TENM2: variants seen among roughly 807,000 people sequenced by gnomAD.
TENM2 encodes the protein teneurin transmembrane protein 2, also known as teneurin-2.
Under a neutral mutation model 245.2 loss-of-function variants are expected in TENM2, and 52 were observed. The observed-to-expected ratio is 0.21, with a 90% CI of 0.17 to 0.27. The LOEUF (loss-of-function observed/expected upper bound fraction) is 0.27. TENM2 is among the 10% of genes least tolerant of loss of function. TENM2 has a pLI of 1.00. For synonymous variants in TENM2, 1,363 were observed against 1,438.9 expected, an observed-to-expected ratio of 0.95 and a Z score of 1.19; for missense variants, 3,046 against 3,666.8, an observed-to-expected ratio of 0.83 and a Z score of 4.37.
rs1219478301 is a variant in TENM2, at chr5:167,900,144, G to C, written c.712+23949G>C. On this transcript the variant is annotated intron_variant, in intron 3 of 28. Coordinates refer to ENST00000518659, the Ensembl canonical transcript of TENM2. ...AAAAAAAAAAAAAAAGGGGGGGGGG[G>C]TTTTGGAAAGGAAAGGAATGATATC... 1.6e-3 allele frequency among the ~76,000 whole-genome samples: 171 copies of C among 103,744 alleles called. 1 individual carries two copies. The Middle Eastern group carries it at 0.033, about 20-fold the overall frequency. The allele number at this position is 103,744 out of a possible 152,430, so 68.1% of individuals were successfully genotyped here.
chr5:168,220,394 T>A (rs940980596), intron 23 of TENM2, among the ~76,000 whole-genome samples: 2 of 152,228 alleles, frequency 1.3e-5, no homozygotes, highest in Non-Finnish European at 2.9e-5. Context: ...TCCACAGATC[T>A]GAACTCTAAA....
intron 2 of TENM2, among the ~76,000 whole-genome samples, chr5:167,857,206 A>T (rs1168939848): frequency 6.6e-6 from 1 of 152,252 alleles, no homozygotes; most frequent in Non-Finnish European, 1.5e-5. Context: ...GTATAGATAC[A>T]TGCAAGATTT....
At chr5:167,695,817 G>A (rs1452207186) in intron 2 of TENM2, among the ~76,000 whole-genome samples, 6 of 151,322 alleles carry the variant, frequency 4.0e-5, no homozygotes, top group South Asian at 2.1e-4. Context: ...GGCGGATCAC[G>A]AGGTCAGGAG....
At chr5:167,950,900 A>C (rs1170134175) in intron 3 of TENM2, among the ~76,000 whole-genome samples, 2 of 152,258 alleles carry the variant, frequency 1.3e-5, no homozygotes, top group Non-Finnish European at 2.9e-5. Context: ...TTTGGAGGAC[A>C]TGATTTAAAA....
At chr5:167,561,270 A>G (rs1039812406) in intron 2 of TENM2, among the ~76,000 whole-genome samples, 1 of 152,242 alleles carries the variant, frequency 6.6e-6, no homozygotes, top group Non-Finnish European at 1.5e-5. Context: ...TGCACATTTC[A>G]TTCTTTAATA....
At chr5:167,549,748 G>C (rs1220895702) in intron 2 of TENM2, among the ~76,000 whole-genome samples, 1 of 151,590 alleles carries the variant, frequency 6.6e-6, no homozygotes, top group African/African-American at 2.4e-5. Context: ...TGTGTTAGCT[G>C]TTTTTTGTTT....
intron 25 of TENM2, among the ~76,000 whole-genome samples, chr5:168,230,515 G>A (rs150408460): frequency 1.5e-4 from 23 of 152,290 alleles, no homozygotes; most frequent in East Asian, 1.2e-3. Flanking sequence ...TGGCCATTTC[G>A]TCAGATGTTT....
At chr5:167,404,430 A>C (rs1762520359) in intron 2 of TENM2, among the ~76,000 whole-genome samples, 1 of 152,160 alleles carries the variant, frequency 6.6e-6, no homozygotes, top group Non-Finnish European at 1.5e-5. Context: ...ATGATTGACT[A>C]TCACATGGGT....
intron 5 of TENM2, among the ~76,000 whole-genome samples, chr5:168,003,306 AACACACACACACACAC>A (rs70976455): frequency 2.2e-4 from 20 of 90,590 alleles, no homozygotes; most frequent in Admixed American, 4.4e-4. Context: ...TTTAAGAAAA[AACACACACACACACAC>A]ACACACACAC....
intron 2 of TENM2, among the ~76,000 whole-genome samples, chr5:167,841,791 T>C (rs992898586): frequency 6.6e-6 from 1 of 152,208 alleles, no homozygotes; most frequent in Non-Finnish European, 1.5e-5. Flanking sequence ...TTGCATTTAG[T>C]TATCTTTTCC....
At chr5:167,948,515 G>T (rs1779822239) in intron 3 of TENM2, among the ~76,000 whole-genome samples, 1 of 152,134 alleles carries the variant, frequency 6.6e-6, no homozygotes, top group African/African-American at 2.4e-5. Context: ...CTGGTTTTTA[G>T]TAAAGAGCCA....
At chr5:167,961,266 GC>G (rs1165740022) in intron 4 of TENM2, among the ~76,000 whole-genome samples, 21 of 152,312 alleles carry the variant, frequency 1.4e-4, no homozygotes, top group African/African-American at 5.1e-4. Flanking sequence ...TTAAACTTCT[GC>G]CCTGATATGG....
chr5:167,787,170 T>C (rs577411369), intron 2 of TENM2, among the ~76,000 whole-genome samples: 9 of 152,312 alleles, frequency 5.9e-5, no homozygotes, highest in Non-Finnish European at 1.2e-4. Context: ...ATGGGGGGAC[T>C]GGGAGAATCC....
chr5:167,181,964 G>T, the TENM2 span, among the ~76,000 whole-genome samples: 54 of 152,228 alleles, frequency 3.5e-4, no homozygotes, highest in African/African-American at 1.2e-3. Flanking sequence ...ATTTCTACAA[G>T]AAAGGCAAAT....
At chr5:167,448,514 T>C (rs1178328864) in intron 2 of TENM2, among the ~76,000 whole-genome samples, 1 of 149,116 alleles carries the variant, frequency 6.7e-6, no homozygotes, top group Non-Finnish European at 1.5e-5. Flanking sequence ...AGTATCTTGC[T>C]ATCTCGTATG....
At chr5:167,612,256 C>T (rs548068425) in intron 2 of TENM2, among the ~76,000 whole-genome samples, 25 of 152,212 alleles carry the variant, frequency 1.6e-4, no homozygotes, top group Admixed American at 1.1e-3. Context: ...GCTCCCACCC[C>T]TTCATTACTA....
chr5:167,971,482 C>T (rs1217429240), intron 4 of TENM2, among the ~76,000 whole-genome samples: 2 of 152,102 alleles, frequency 1.3e-5, no homozygotes, highest in African/African-American at 4.8e-5. Context: ...AGGTGGATCA[C>T]TTGAGGTCAG....
chr5:167,283,408 T>G (rs1468712048), upstream of TENM2, among the ~76,000 whole-genome samples: 1 of 152,102 alleles, frequency 6.6e-6, no homozygotes, highest in Non-Finnish European at 1.5e-5. Context: ...TTTGATACAG[T>G]GTACACGTAG....
intron 2 of TENM2, chr5:167,574,039 C>T (rs924912688): frequency 6.6e-6 from 1 of 152,138 alleles, no homozygotes; most frequent in Non-Finnish European, 1.5e-5. Flanking sequence ...AAGCGCCGAT[C>T]GGAGGGTTTG....
Sources: gnomAD v4.1 joint callset for allele counts (sites outside exome capture counted in the v4.1 genomes callset) on GRCh38, gnomAD v4.1.1 for gene constraint, MANE v1.5 for transcripts, NCBI Gene and HGNC (gene_info 2026-07-23, HGNC 2026-07-21) for gene names.